The following CDH7 variants were observed in gnomAD, a reference collection of about 807,000 sequenced individuals.
The protein encoded by CDH7 is cadherin 7, also known as cadherin-7.
CDH7 carries 25 observed loss-of-function variants against 71.8 expected under a neutral mutation model. The observed-to-expected ratio is 0.35, with a 90% CI of 0.25 to 0.49. The LOEUF (loss-of-function observed/expected upper bound fraction) is 0.49. CDH7 is among the 20% of genes least tolerant of loss of function. The probability of loss-of-function intolerance (pLI) is 0.99; values close to 1 mark genes in which losing one functional copy is unlikely to be tolerated. For missense variants in CDH7, 862 were observed against 974.6 expected, an observed-to-expected ratio of 0.88 and a Z score of 1.54; for synonymous variants, 381 against 363.8, an observed-to-expected ratio of 1.05 and a Z score of -0.54.
rs149799205 is a variant in CDH7 at position 65,805,019 on chromosome 18, T to C, written c.211-4685T>C. Reference sequence around the variant, plus strand: ...TATTAAAACTTAAATGGACAGAAATTGAAATAAAACAAATACTGCTGTTTT... The same window carrying C: ...TATTAAAACTTAAATGGACAGAAATCGAAATAAAACAAATACTGCTGTTTT... On this transcript the variant is annotated intron_variant, in intron 2 of 11. Transcript: ENST00000397968. Among the ~76,000 whole-genome samples, 85 of 152,164 alleles carry C rather than the reference T, an allele frequency of 5.6e-4. 2 individuals are homozygous for C. The East Asian group carries it at 0.015, about 27-fold the overall frequency.
intron 11 of CDH7, among the ~76,000 whole-genome samples, chr18:65,875,865 G>C (rs1914058817): frequency 6.6e-6 from 1 of 152,088 alleles, no homozygotes; most frequent in Non-Finnish European, 1.5e-5. Flanking sequence ...AGAGGTCGAG[G>C]ATACAGTGAG....
chr18:65,838,185 G>A (rs559264677), intron 6 of CDH7, among the ~76,000 whole-genome samples: 1 of 152,178 alleles, frequency 6.6e-6, no homozygotes, highest in South Asian at 2.1e-4. Context: ...CTCCCAAAGT[G>A]CTGGAATTAC....
chr18:65,805,727 T>C (rs1468100317), intron 2 of CDH7, among the ~76,000 whole-genome samples: 1 of 152,094 alleles, frequency 6.6e-6, no homozygotes, highest in African/African-American at 2.4e-5. Context: ...ATCATGAAAG[T>C]CCTTCAGGCT....
In CDH7 at chr18:65,758,832, A is replaced by C. The variant is rs192892470; in HGVS notation, c.-196-3815A>C. 3.4e-4 allele frequency among the ~76,000 whole-genome samples: 52 copies of C among 152,360 alleles called. No individual in the cohort carries two copies. The East Asian group carries it at 9.6e-3, about 28-fold the overall frequency. On this transcript the variant is annotated intron_variant, in intron 1 of 11. Transcript: ENST00000397968. Reference sequence around the variant, plus strand: ...AATGAGGTTGATCATAATGAAAATGAGCATTATGTAAATGGTTTCCGAATG... The same window carrying C: ...AATGAGGTTGATCATAATGAAAATGCGCATTATGTAAATGGTTTCCGAATG...
intron 2 of CDH7, among the ~76,000 whole-genome samples, chr18:65,778,049 G>A (rs1269125109): frequency 6.6e-6 from 1 of 152,010 alleles, no homozygotes; most frequent in African/African-American, 2.4e-5. Context: ...GAGGCGGGTG[G>A]ATCATGAGGT....
intron 1 of CDH7, among the ~76,000 whole-genome samples, chr18:65,755,466 C>T (rs1916004743): frequency 1.3e-5 from 2 of 152,200 alleles, no homozygotes; most frequent in Non-Finnish European, 2.9e-5. Flanking sequence ...CAAACTATTA[C>T]ATTTTTCAGT....
intron 2 of CDH7, among the ~76,000 whole-genome samples, chr18:65,800,849 T>C (rs1055391767): frequency 6.6e-6 from 1 of 152,226 alleles, no homozygotes; most frequent in African/African-American, 2.4e-5. Context: ...TAGAAAGGAA[T>C]TGATTTCATC....
chr18:65,821,682 G>A (rs957842270), intron 4 of CDH7, among the ~76,000 whole-genome samples: 2 of 152,122 alleles, frequency 1.3e-5, no homozygotes, highest in Non-Finnish European at 2.9e-5. Context: ...CTTGAAAACT[G>A]ATAGTAAGTG....
intron 2 of CDH7, among the ~76,000 whole-genome samples, chr18:65,789,250 T>C (rs1910620259): frequency 1.3e-5 from 2 of 152,198 alleles, no homozygotes; most frequent in South Asian, 4.2e-4. Context: ...CAGCTGAGCC[T>C]TGAAGGATGA....
At chr18:65,857,459 A>G (rs1484886451) in intron 7 of CDH7, among the ~76,000 whole-genome samples, 1 of 151,390 alleles carries the variant, frequency 6.6e-6, no homozygotes, top group Admixed American at 6.6e-5. Context: ...GGTTACAGTG[A>G]TCCACTCCAC....
chr18:65,778,286 A>T (rs866847761), intron 2 of CDH7, among the ~76,000 whole-genome samples: 2,571 of 149,076 alleles, frequency 0.017, 79 homozygotes, highest in African/African-American at 0.059. Flanking sequence ...AAAAAAAAAA[A>T]AAAAAAAAAA....
intron 2 of CDH7, among the ~76,000 whole-genome samples, chr18:65,789,561 G>C (rs1249685540): frequency 3.9e-5 from 6 of 152,000 alleles, no homozygotes; most frequent in Admixed American, 3.3e-4. Flanking sequence ...TACAGTCAAA[G>C]TCTGTAACAT....
At chr18:65,815,116 G>C (rs1007459875) in intron 4 of CDH7, among the ~76,000 whole-genome samples, 1 of 151,936 alleles carries the variant, frequency 6.6e-6, no homozygotes, top group African/African-American at 2.4e-5. Context: ...TTTAATTTGG[G>C]GGAACAATTT....
chr18:65,783,287 A>G (rs1910380860), intron 2 of CDH7, among the ~76,000 whole-genome samples: 1 of 152,230 alleles, frequency 6.6e-6, no homozygotes, highest in Non-Finnish European at 1.5e-5. Flanking sequence ...AAAATTGACA[A>G]TAATAAAAGG....
At position 65,754,029 on chromosome 18, in the gene CDH7, T is replaced by C. The variant is rs531272953; in HGVS notation, c.-197+2879T>C. Among the ~76,000 whole-genome samples, 3 of 152,336 alleles carry C rather than the reference T, an allele frequency of 2.0e-5. No individual in the cohort carries two copies. The South Asian group carries it at 6.2e-4, about 32-fold the overall frequency. On this transcript the variant is annotated intron_variant, in intron 1 of 11. Transcript: ENST00000397968. ...AATTAAAAATTATAGTTGATACAGCTAAGATTTCTTGTAAGAATAAATTAT... is the reference window on the plus strand; with the variant it reads ...AATTAAAAATTATAGTTGATACAGCCAAGATTTCTTGTAAGAATAAATTAT...
At chr18:65,838,619 G>A (rs991508780) in intron 6 of CDH7, among the ~76,000 whole-genome samples, 5 of 152,180 alleles carry the variant, frequency 3.3e-5, no homozygotes, top group Non-Finnish European at 1.5e-5. Context: ...GGCTAAAGGT[G>A]CGAGATATAT....
chr18:65,836,080 A>T (rs1568211614), intron 6 of CDH7, among the ~76,000 whole-genome samples: 1 of 152,190 alleles, frequency 6.6e-6, no homozygotes, highest in Non-Finnish European at 1.5e-5. Flanking sequence ...GAATACATGC[A>T]GCTTTTGGAC....
chr18:65,853,097 G>A (rs1913207251), intron 7 of CDH7, among the ~76,000 whole-genome samples: 1 of 152,130 alleles, frequency 6.6e-6, no homozygotes, highest in Non-Finnish European at 1.5e-5. Context: ...GCAAAAATAT[G>A]GAAGTGATCT....
chr18:65,760,306 A>G (rs1398787661), intron 1 of CDH7, among the ~76,000 whole-genome samples: 2 of 152,198 alleles, frequency 1.3e-5, no homozygotes, highest in Non-Finnish European at 2.9e-5. Context: ...AATTTAACTT[A>G]TTCAAGATTA....
Sources: gnomAD v4.1 joint callset for allele counts (sites outside exome capture counted in the v4.1 genomes callset) on GRCh38, gnomAD v4.1.1 for gene constraint, MANE v1.5 for transcripts, NCBI Gene and HGNC (gene_info 2026-07-23, HGNC 2026-07-21) for gene names.